The following SEMA3A variants were observed in gnomAD, a reference collection of about 807,000 sequenced individuals.
SEMA3A encodes the protein semaphorin 3A, also known as semaphorin-3A.
SEMA3A carries 29 observed loss-of-function variants against 97.9 expected under a neutral mutation model. That is an observed-to-expected ratio of 0.30 (90% CI 0.22 to 0.40). The LOEUF is 0.40. SEMA3A is among the 10% of genes least tolerant of loss of function. The probability of loss-of-function intolerance (pLI) is 1.00; values close to 1 mark genes in which losing one functional copy is unlikely to be tolerated. For synonymous variants in SEMA3A, 321 were observed against 323.7 expected, an observed-to-expected ratio of 0.99 and a Z score of 0.09; for missense variants, 763 against 951.3, an observed-to-expected ratio of 0.80 and a Z score of 2.60.
chr7:84,406,987 G>T (rs1378846939), intron 1 of SEMA3A, among the ~76,000 whole-genome samples: 5 of 152,268 alleles, frequency 3.3e-5, no homozygotes, highest in African/African-American at 4.8e-5. Context: ...TGGAAAACTG[G>T]CACAAGACAG....
At chr7:84,462,900 T>C (rs2116391522) in intron 1 of SEMA3A, among the ~76,000 whole-genome samples, 1 of 152,292 alleles carries the variant, frequency 6.6e-6, no homozygotes, top group African/African-American at 2.4e-5. Context: ...TCCTCATCTC[T>C]TTCCAGGGAG....
At chr7:84,420,278 C>A (rs944332646) in intron 1 of SEMA3A, among the ~76,000 whole-genome samples, 1 of 151,368 alleles carries the variant, frequency 6.6e-6, no homozygotes, top group Non-Finnish European at 1.5e-5. Flanking sequence ...CTTAAATATT[C>A]TCAAAGAACT....
intron 1 of SEMA3A, among the ~76,000 whole-genome samples, chr7:84,164,939 C>A (rs1176712315): frequency 6.6e-6 from 1 of 152,064 alleles, no homozygotes; most frequent in Non-Finnish European, 1.5e-5. Context: ...TTAGGAAAAT[C>A]TCAAAGTACT....
intron 1 of SEMA3A, among the ~76,000 whole-genome samples, chr7:84,480,974 T>C (rs1584354923): frequency 6.6e-6 from 1 of 152,114 alleles, no homozygotes; most frequent in Non-Finnish European, 1.5e-5. Flanking sequence ...ATGTTCAGTA[T>C]TGGGAAAAAT....
chr7:84,179,153 G>C (rs1797661112), intron 1 of SEMA3A, among the ~76,000 whole-genome samples: 1 of 151,932 alleles, frequency 6.6e-6, no homozygotes, highest in South Asian at 2.1e-4. Flanking sequence ...AAGTTCTTTG[G>C]TGCAGAACAT....
intron 1 of SEMA3A, among the ~76,000 whole-genome samples, chr7:84,444,180 C>A (rs1477376076): frequency 2.0e-5 from 3 of 152,060 alleles, no homozygotes; most frequent in Non-Finnish European, 4.4e-5. Flanking sequence ...GCCACCACAC[C>A]CGGCCTGATT....
intron 3 of SEMA3A, among the ~76,000 whole-genome samples, chr7:84,232,411 T>C (rs755312578): frequency 2.0e-5 from 3 of 150,990 alleles, no homozygotes; most frequent in Non-Finnish European, 4.4e-5. Flanking sequence ...ATGTCTGTGA[T>C]AGATTGTTTA....
intron 1 of SEMA3A, among the ~76,000 whole-genome samples, chr7:84,167,817 G>A (rs1315321547): frequency 6.6e-6 from 1 of 152,050 alleles, no homozygotes; most frequent in Non-Finnish European, 1.5e-5. Context: ...AAATACAAAT[G>A]TAAGAAACAA....
intron 1 of SEMA3A, among the ~76,000 whole-genome samples, chr7:84,176,914 T>G (rs1323973032): frequency 2.0e-5 from 3 of 152,142 alleles, no homozygotes; most frequent in Non-Finnish European, 1.5e-5. Flanking sequence ...CTAAGCCTTC[T>G]TCCACTGTTG....
At chr7:84,301,373 T>G (rs1330402030) in intron 3 of SEMA3A, among the ~76,000 whole-genome samples, 4 of 152,042 alleles carry the variant, frequency 2.6e-5, no homozygotes, top group African/African-American at 4.8e-5. Context: ...ATGCATAAAG[T>G]GCTCCTATAA....
At chr7:84,408,814 T>A (rs1352745574) in intron 1 of SEMA3A, among the ~76,000 whole-genome samples, 6 of 151,368 alleles carry the variant, frequency 4.0e-5, no homozygotes, top group Non-Finnish European at 7.4e-5. Flanking sequence ...AAACACCACA[T>A]GTTCTCACTC....
intron 1 of SEMA3A, among the ~76,000 whole-genome samples, chr7:84,377,929 T>A (rs1056726361): frequency 3.3e-5 from 5 of 152,154 alleles, no homozygotes; most frequent in Non-Finnish European, 7.3e-5. Flanking sequence ...AAAATCTATT[T>A]ACCTGAATAT....
At chr7:84,307,899 A>G (rs1309140569) in intron 2 of SEMA3A, among the ~76,000 whole-genome samples, 1 of 152,180 alleles carries the variant, frequency 6.6e-6, no homozygotes, top group Non-Finnish European at 1.5e-5. Flanking sequence ...GCTTTGTAAC[A>G]TTAATTGTAC....
At chr7:84,492,613 A>G (rs1216343591) in exon 1 of SEMA3A, 2 of 152,124 alleles carry the variant, frequency 1.3e-5, no homozygotes, top group African/African-American at 4.8e-5. Context: ...CACTGATGCT[A>G]GAGAGCCAGT....
chr7:84,416,810 G>A (rs1206423809), intron 1 of SEMA3A, among the ~76,000 whole-genome samples: 1 of 152,010 alleles, frequency 6.6e-6, no homozygotes, highest in Non-Finnish European at 1.5e-5. Flanking sequence ...TTTGAAATTG[G>A]ACAGATATGA....
rs1788278259 is a variant in SEMA3A, at chr7:83,956,415, C to G, written c.*4956G>C. 6.6e-6 allele frequency: 1 copy of G among 152,122 alleles called. No homozygotes were observed. Among genetic ancestry groups the G allele is most frequent in the African/African-American group, 2.4e-5 (1 of 41,420 alleles). 9.4% of individuals were successfully genotyped at this position (152,122 alleles called of 1,614,324 possible). ...TATTTATTTGTAGAATTCAGAGTTTCAGCTGACCTGTGCTGGTTTGAACTA... is the reference window on the plus strand; with the variant it reads ...TATTTATTTGTAGAATTCAGAGTTTGAGCTGACCTGTGCTGGTTTGAACTA... On this transcript the variant is annotated 3_prime_UTR_variant, in exon 17 of 17. Coordinates refer to ENST00000265362, the MANE Select transcript of SEMA3A (RefSeq NM_006080.3).
chr7:84,378,116 A>G (rs900077538), intron 1 of SEMA3A, among the ~76,000 whole-genome samples: 2 of 152,260 alleles, frequency 1.3e-5, no homozygotes, highest in East Asian at 1.9e-4. Flanking sequence ...AGAACAGATT[A>G]TCTAAGGCAA....
At chr7:83,970,850 C>T (rs1788884588) in intron 15 of SEMA3A, among the ~76,000 whole-genome samples, 1 of 152,030 alleles carries the variant, frequency 6.6e-6, no homozygotes, top group Non-Finnish European at 1.5e-5. Flanking sequence ...GGAAATGTTG[C>T]CCATAAACTC....
chr7:84,057,127 G>A (rs1037854910), intron 5 of SEMA3A, among the ~76,000 whole-genome samples: 2 of 152,136 alleles, frequency 1.3e-5, no homozygotes, highest in African/African-American at 4.8e-5. Context: ...TCTTTCCTGA[G>A]ACAAGACAGC....
Sources: allele counts gnomAD v4.1 joint callset (sites outside exome capture counted in the v4.1 genomes callset), GRCh38; gene constraint gnomAD v4.1.1; transcripts MANE v1.5; gene names NCBI Gene and HGNC (gene_info 2026-07-23, HGNC 2026-07-21).